The following GMDS variants were observed in gnomAD, a reference collection of about 807,000 sequenced individuals.
The protein encoded by GMDS is GDP-mannose 4,6-dehydratase, also known as GDP-mannose 4,6 dehydratase.
In GMDS, 20 loss-of-function variants were observed where a neutral mutation model predicts 49.9. That is an observed-to-expected ratio of 0.40 (90% CI 0.28 to 0.58). The LOEUF is 0.58. Ranked by LOEUF, GMDS falls within the 20% of genes least tolerant of loss-of-function variation. The pLI, the probability that GMDS is intolerant of heterozygous loss-of-function variation, is 0.42. For missense variants in GMDS, 362 were observed against 481.4 expected (o/e 0.75, Z 2.32); for synonymous variants, 177 against 178.6 (o/e 0.99, Z 0.07).
At chr6:1,800,186 A>C (rs1325377509) in intron 7 of GMDS, among the ~76,000 whole-genome samples, 4 of 152,152 alleles carry the variant, frequency 2.6e-5, no homozygotes, top group Non-Finnish European at 5.9e-5. Context: ...TTAGGTTTCC[A>C]AGGTGAATAA....
chr6:1,985,646 A>G (rs1056594290), intron 4 of GMDS, among the ~76,000 whole-genome samples: 11 of 152,224 alleles, frequency 7.2e-5, no homozygotes, highest in African/African-American at 2.4e-4. Context: ...GAAATAAAAC[A>G]TTCAAACAAC....
intron 1 of GMDS, among the ~76,000 whole-genome samples, chr6:2,169,825 C>T (rs1237939801): frequency 1.3e-5 from 2 of 152,108 alleles, no homozygotes; most frequent in African/African-American, 2.4e-5. Flanking sequence ...AACTCAGTTA[C>T]GTGTTCAGCT....
At chr6:2,088,166 G>A (rs572495705) in intron 4 of GMDS, among the ~76,000 whole-genome samples, 3 of 152,202 alleles carry the variant, frequency 2.0e-5, no homozygotes, top group East Asian at 3.9e-4. Flanking sequence ...TGTTATGGAA[G>A]AAAACAGTCA....
At chr6:2,023,012 T>C (rs913491822) in intron 4 of GMDS, among the ~76,000 whole-genome samples, 1 of 152,188 alleles carries the variant, frequency 6.6e-6, no homozygotes, top group African/African-American at 2.4e-5. Flanking sequence ...AATACACAGA[T>C]CCTGGAACTT....
rs11963967 is a variant in GMDS, at chr6:1,644,685, C to T, written c.988-20145G>A. 3.6e-3 allele frequency among the ~76,000 whole-genome samples: 552 copies of T among 152,252 alleles called. 1 individual carries two copies. The highest frequency in any genetic ancestry group is 0.013 in the African/African-American group (525 of 41,542). On this transcript the variant is annotated intron_variant, in intron 9 of 10. Coordinates refer to ENST00000380815, the MANE Select transcript of GMDS (RefSeq NM_001500.4). ...AGATCCCAAGGTCCCTGATTTATGG[C>T]GAAGAGGAGGGACTGTGAGGTTTTC... is the stretch of plus-strand genomic sequence containing the variant.
chr6:2,121,749 A>G (rs1775149645), intron 2 of GMDS, among the ~76,000 whole-genome samples: 1 of 152,212 alleles, frequency 6.6e-6, no homozygotes, highest in East Asian at 1.9e-4. Context: ...TGGGAGAAAA[A>G]GTAAAGGAGT....
chr6:2,219,258 T>C (rs1321744625), intron 1 of GMDS, among the ~76,000 whole-genome samples: 1 of 152,092 alleles, frequency 6.6e-6, no homozygotes, highest in African/African-American at 2.4e-5. Flanking sequence ...AAATAAAAAT[T>C]TGGAAATAAA....
intron 6 of GMDS, among the ~76,000 whole-genome samples, chr6:1,939,549 ATATATACATATATATACC>A (rs1251827888): frequency 1.6e-4 from 23 of 140,240 alleles, no homozygotes; most frequent in African/African-American, 4.8e-4. Context: ...ATATATACAT[ATATATACATATATATACC>A]TATATACATA....
intron 7 of GMDS, among the ~76,000 whole-genome samples, chr6:1,902,011 A>C (rs1760526802): frequency 6.6e-6 from 1 of 152,248 alleles, no homozygotes; most frequent in African/African-American, 2.4e-5. Flanking sequence ...TCAAAATTAA[A>C]ATACAAAAGA....
At chr6:2,177,574 G>A (rs1445903618) in intron 1 of GMDS, among the ~76,000 whole-genome samples, 1 of 151,996 alleles carries the variant, frequency 6.6e-6, no homozygotes, top group Non-Finnish European at 1.5e-5. Flanking sequence ...ACCACATAAA[G>A]AGAATTAAAA....
At chr6:2,144,743 A>T (rs1416894696) in intron 1 of GMDS, among the ~76,000 whole-genome samples, 1 of 152,178 alleles carries the variant, frequency 6.6e-6, no homozygotes, top group East Asian at 1.9e-4. Flanking sequence ...ATATATAGAA[A>T]ATAAAAACCG....
intron 7 of GMDS, among the ~76,000 whole-genome samples, chr6:1,844,627 C>A (rs1042223630): frequency 6.6e-6 from 1 of 151,700 alleles, no homozygotes; most frequent in Admixed American, 6.6e-5. Flanking sequence ...ACCTTTTTTC[C>A]TGGATCTGAG....
At chr6:1,794,608 G>T (rs1283954323) in intron 7 of GMDS, among the ~76,000 whole-genome samples, 3 of 152,168 alleles carry the variant, frequency 2.0e-5, no homozygotes, top group African/African-American at 7.2e-5. Context: ...ACACTGTTGG[G>T]TTGAAGGAAT....
chr6:1,792,215 C>T (rs1025337150), intron 7 of GMDS, among the ~76,000 whole-genome samples: 7 of 152,002 alleles, frequency 4.6e-5, no homozygotes, highest in African/African-American at 1.7e-4. Flanking sequence ...AAAAACCCAT[C>T]CCCTTTCCCC....
intron 9 of GMDS, among the ~76,000 whole-genome samples, chr6:1,669,625 G>A (rs1434538552): frequency 6.6e-6 from 1 of 152,090 alleles, no homozygotes; most frequent in Non-Finnish European, 1.5e-5. Context: ...ATCAAGAGCT[G>A]TCACCAGCTG....
rs566427807 is a variant in GMDS at position 1,877,862 on chromosome 6, T to C, written c.771+52241A>G. Among the ~76,000 whole-genome samples, 4 of 152,252 alleles carry C rather than the reference T, an allele frequency of 2.6e-5. No homozygotes were observed. The East Asian group carries it at 7.7e-4, about 29-fold the overall frequency. ...GGAAAGTAAAATTATACAAATTATA[T>C]GATCTAAAAGCAAAATATTTTTGCT... On this transcript the variant is annotated intron_variant, in intron 7 of 10. Transcript: ENST00000380815.
intron 1 of GMDS, among the ~76,000 whole-genome samples, chr6:2,237,830 T>C (rs1041451792): frequency 6.6e-6 from 1 of 152,138 alleles, no homozygotes; most frequent in African/African-American, 2.4e-5. Flanking sequence ...CCTGGAAGTA[T>C]CTTTAACATT....
intron 1 of GMDS, chr6:2,175,868 C>G: frequency 7.2e-6 from 6 of 830,110 alleles, no homozygotes; most frequent in Non-Finnish European, 4.0e-6. Flanking sequence ...CCCACATAAA[C>G]AGCCCTATCA....
chr6:1,986,834 T>A (rs888290818), intron 4 of GMDS, among the ~76,000 whole-genome samples: 4 of 152,154 alleles, frequency 2.6e-5, no homozygotes, highest in African/African-American at 9.7e-5. Flanking sequence ...TTATTCAAAA[T>A]TTTTTTAGCT....
Sources: allele counts gnomAD v4.1 joint callset (sites outside exome capture counted in the v4.1 genomes callset), GRCh38; gene constraint gnomAD v4.1.1; transcripts MANE v1.5; gene names NCBI Gene and HGNC (gene_info 2026-07-23, HGNC 2026-07-21).